COL9A3: variants seen among roughly 807,000 people sequenced by gnomAD.
COL9A3 encodes the protein collagen alpha-3(IX) chain.
A neutral mutation model predicts 110.2 loss-of-function variants in COL9A3; 82 were observed. The observed-to-expected ratio is 0.74, with a 90% CI of 0.62 to 0.89. The LOEUF (loss-of-function observed/expected upper bound fraction) is 0.89. COL9A3 is among the 40% of genes least tolerant of loss of function. The pLI, the probability that COL9A3 is intolerant of heterozygous loss-of-function variation, is 0.00. For synonymous variants in COL9A3, 494 were observed against 403.8 expected (o/e 1.22, Z -2.68); for missense variants, 1,066 against 981.3 (o/e 1.09, Z -1.15).
chr20:62,838,783 G>A, intron 31 of COL9A3, 22 bp downstream of exon 31: 1 of 1,539,708 alleles, frequency 6.5e-7, no homozygotes. Context: ...CGGCCAGCAA[G>A]GCTTCACTGG....
chr20:62,818,847 C>T (rs1229942347), intron 3 of COL9A3, among the ~76,000 whole-genome samples: 1 of 152,238 alleles, frequency 6.6e-6, no homozygotes, highest in Non-Finnish European at 1.5e-5. Context: ...CCTGAGGTCA[C>T]CTGGAGCCCT....
chr20:62,821,617 G>T, intron 7 of COL9A3, 87 bp downstream of exon 7: 1 of 1,592,206 alleles, frequency 6.3e-7, no homozygotes, highest in Non-Finnish European at 8.6e-7. Flanking sequence ...CGTGCCTGGG[G>T]GTGGGGCTTC....
intron 22 of COL9A3, 136 bp from the exon 23 acceptor site, chr20:62,830,224 G>C: frequency 9.5e-7 from 1 of 1,055,510 alleles, no homozygotes; most frequent in Non-Finnish European, 1.4e-6. Flanking sequence ...TTTGTCCCCA[G>C]CAACCCAGCC....
chr20:62,818,732 C>T (rs1411338592), intron 3 of COL9A3, among the ~76,000 whole-genome samples, 179 bp downstream of exon 3: 2 of 152,214 alleles, frequency 1.3e-5, no homozygotes, highest in South Asian at 2.1e-4. Context: ...AGTGTGTGGG[C>T]TCAGCCTCTG....
intron 12 of COL9A3, 108 bp downstream of exon 12, chr20:62,825,129 G>A (rs868296605): frequency 6.0e-5 from 11 of 182,354 alleles, no homozygotes; most frequent in Non-Finnish European, 7.6e-5. Context: ...GCTCCGGCGG[G>A]AGGGAGGGGC....
At chr20:62,836,938 C>A in intron 29 of COL9A3, 145 bp from the exon 30 acceptor site, 1 of 1,105,380 alleles carries the variant, frequency 9.0e-7, no homozygotes, top group Non-Finnish European at 1.4e-6. Flanking sequence ...CATTCATCAC[C>A]CCAAAGCAGT....
At chr20:62,826,635 C>A (rs2063555467) in intron 14 of COL9A3, 132 bp from the exon 15 acceptor site, 2 of 927,522 alleles carry the variant, frequency 2.2e-6, no homozygotes, top group Admixed American at 4.0e-5. Context: ...TACTAGGTGG[C>A]ATCTTGGGGG....
intron 7 of COL9A3, 47 bp from the exon 8 acceptor site, chr20:62,821,710 G>A (rs770333917): frequency 5.1e-6 from 8 of 1,576,290 alleles, no homozygotes; most frequent in African/African-American, 2.7e-5. Flanking sequence ...GGGGATCCTC[G>A]GGGCTTCCGG....
chr20:62,822,904 G>T (rs747459769), intron 10 of COL9A3, among the ~76,000 whole-genome samples: 1 of 151,960 alleles, frequency 6.6e-6, no homozygotes, highest in Admixed American at 6.5e-5. Flanking sequence ...CAAATGTAAT[G>T]AATCACAATC....
At position 62,822,695 on chromosome 20, in the gene COL9A3, T is replaced by C. The variant is rs1012158969; in HGVS notation, c.519+63T>C. ...GTGCCTACCTTGGGGGGAGGGGTTC[T>C]GGCCTGGAGAGGGGCTTGTCCATAC... On this transcript the variant is annotated intron_variant, in intron 10 of 31. Transcript: ENST00000649368. 621 of 1,555,182 alleles carry C rather than the reference T, an allele frequency of 4.0e-4. 2 individuals carry two copies. Among genetic ancestry groups the C allele is most frequent in the Non-Finnish European group, 2.4e-4 (269 of 1,137,246 alleles).
In COL9A3 at chr20:62,826,754, C is replaced by G; in HGVS notation, c.739-13C>G. ...CAGACAAGAGGACCCCGGATCCCCT[C>G]TCTCCTCTGCAGGGTCCCATTGGGT... On this transcript the variant is annotated splice_polypyrimidine_tract_variant and intron_variant, in intron 14 of 31. Transcript: ENST00000649368. 10 of 1,612,554 alleles carry G rather than the reference C, an allele frequency of 6.2e-6. No individual in the cohort carries two copies. The highest frequency in any genetic ancestry group is 8.5e-6 in the Non-Finnish European group (10 of 1,179,828).
intron 3 of COL9A3, among the ~76,000 whole-genome samples, chr20:62,818,854 C>G (rs1308219843): frequency 6.6e-6 from 1 of 152,210 alleles, no homozygotes. Context: ...TCACCTGGAG[C>G]CCTCCCACCT....
chr20:62,840,730 T>C lies in COL9A3; in HGVS notation c.2053T>C (p.Ter685GlnextTer4). The C allele has an allele frequency of 1.3e-6, 2 of 1,564,894 alleles. No individual in the cohort carries two copies. Residue 685 changes from the stop codon to glutamine, a stop_lost, in exon 32 of 32, where the codon TAA becomes CAA. Transcript: ENST00000649368. ...VGEKSGSRSS* is the reference protein window; with the variant it reads ...VGEKSGSRSSQ The stretch of plus-strand genomic sequence containing the variant: ...GGAGAAATCAGGCTCTCGAAGCTCA[T>C]AAAATTCAACGTGAGGAAGCAAGTG...
At chr20:62,817,850 C>A (rs546235690) in intron 2 of COL9A3, 1 of 674,500 alleles carries the variant, frequency 1.5e-6, no homozygotes. Flanking sequence ...TGGTCCTCCA[C>A]CCAGAATGCC....
At chr20:62,839,430 C>T (rs559865173) in intron 31 of COL9A3, among the ~76,000 whole-genome samples, 12 of 152,230 alleles carry the variant, frequency 7.9e-5, no homozygotes, top group Non-Finnish European at 1.5e-4. Context: ...AGGGAGGCAG[C>T]GCCAGGATCC....
chr20:62,838,520 C>T (rs1416131682), intron 30 of COL9A3, among the ~76,000 whole-genome samples, 164 bp from the exon 31 acceptor site: 1 of 152,248 alleles, frequency 6.6e-6, no homozygotes, highest in Non-Finnish European at 1.5e-5. Flanking sequence ...TCCCTCTCGT[C>T]GGACCCCGTC....
rs201294093 is a variant in COL9A3 at position 62,826,791 on chromosome 20, C to T, written c.763C>T (p.Pro255Ser). Residue 255 changes from proline (P) to serine (S), a missense_variant, in exon 15 of 32, where the codon CCT becomes TCT. By Grantham distance (74) the Pro-to-Ser change is moderately conservative (BLOSUM62 -1). Coordinates refer to ENST00000649368, the MANE Select transcript of COL9A3 (RefSeq NM_001853.4). ...DRGPIGFRGP[P>S]GIPGAPGKAG... ...GGGTCCCATTGGGTTCCGAGGGCCG[C>T]CTGGGATCCCAGGAGCGCCTGGGAA... is the stretch of plus-strand genomic sequence containing the variant. 214 of 1,612,830 alleles carry T rather than the reference C, an allele frequency of 1.3e-4. No homozygotes were observed. Among genetic ancestry groups the T allele is most frequent in the Middle Eastern group, 3.3e-4 (2 of 6,050 alleles).
intron 12 of COL9A3, 29 bp downstream of exon 12, chr20:62,825,050 G>T (rs2063539493): frequency 6.3e-7 from 1 of 1,592,656 alleles, no homozygotes; most frequent in Non-Finnish European, 8.5e-7. Context: ...AGCTGGGGAG[G>T]AGCTGGGGAC....
intron 14 of COL9A3, 46 bp downstream of exon 14, chr20:62,826,303 C>G (rs1300599644): frequency 2.2e-5 from 34 of 1,516,366 alleles, no homozygotes; most frequent in Non-Finnish European, 2.8e-5. Flanking sequence ...TGGCTGGGGG[C>G]CTGGTTGTCT....
Sources: gnomAD v4.1 joint callset for allele counts (sites outside exome capture counted in the v4.1 genomes callset) on GRCh38, gnomAD v4.1.1 for gene constraint, MANE v1.5 for transcripts, NCBI Gene and HGNC (gene_info 2026-07-23, HGNC 2026-07-21) for gene names.